The following MBTPS2 variants were observed in gnomAD, a reference collection of about 807,000 sequenced individuals.
MBTPS2 encodes the protein membrane-bound transcription factor site-2 protease.
MBTPS2 carries 2 observed loss-of-function variants against 35.4 expected under a neutral mutation model. That is an observed-to-expected ratio of 0.06 (90% CI 0.02 to 0.18). The LOEUF (loss-of-function observed/expected upper bound fraction) is 0.18, where lower values mean the gene tolerates loss of function less well. Ranked by LOEUF, MBTPS2 falls within the 10% of genes least tolerant of loss-of-function variation. The pLI is 1.00. For missense variants in MBTPS2, 244 were observed against 386.5 expected, an observed-to-expected ratio of 0.63 and a Z score of 3.09; for synonymous variants, 125 against 140.4, an observed-to-expected ratio of 0.89 and a Z score of 0.77.
chrX:21,856,344 TTCTCTGCAGCTCGCGCC>T, intron 5 of MBTPS2: 3 of 566,496 alleles, frequency 5.3e-6, no homozygotes, highest in South Asian at 2.9e-5. Context: ...GCTCGCGCCT[TTCTCTGCAGCTCGCGCC>T]TTTCTCTGCA....
At chrX:21,861,201 C>A (rs1019673615) in intron 5 of MBTPS2, among the ~76,000 whole-genome samples, 2 of 111,613 alleles carry the variant, frequency 1.8e-5, no homozygotes, top group Non-Finnish European at 3.8e-5. Flanking sequence ...ATGATAGCAT[C>A]CAGTGTCATT....
At chrX:21,843,406 T>C in intron 2 of MBTPS2, 88 bp downstream of exon 2, 1 of 954,425 alleles carries the variant, frequency 1.0e-6, no homozygotes. Flanking sequence ...TCCATTACTT[T>C]GCAGTTTTCT....
chrX:21,854,147 T>C (rs2092917807), intron 5 of MBTPS2, among the ~76,000 whole-genome samples: 1 of 112,138 alleles, frequency 8.9e-6, no homozygotes, highest in Non-Finnish European at 1.9e-5. Flanking sequence ...CTCAACTTCA[T>C]AGTGGAGAGG....
rs2092944598 is a variant in MBTPS2 at position 21,869,567 on chromosome X, G to A, written c.859G>A (p.Val287Ile). The A allele has an allele frequency of 1.6e-5, 19 of 1,209,644 alleles. No individual in the cohort carries two copies. Among genetic ancestry groups the A allele is most frequent in the Non-Finnish European group, 2.1e-5 (19 of 893,631 alleles). ...TGTCACCCATCTACAGGATTGTCCTGTTACTAATGTGCAAGATTGGAATGA... is the reference window on the plus strand; with the variant it reads ...TGTCACCCATCTACAGGATTGTCCTATTACTAATGTGCAAGATTGGAATGA... ...DLVTHLQDCPVTNVQDWNECL... is the reference protein window; with the variant it reads ...DLVTHLQDCPITNVQDWNECL... The change falls in exon 7 of 11, where the codon GTT (valine) becomes ATT (isoleucine). Residue 287 changes from valine (V) to isoleucine (I), a missense_variant. Physicochemically the swap from Val to Ile is conservative, Grantham distance 29 (BLOSUM62 3). Coordinates refer to ENST00000379484, the MANE Select transcript of MBTPS2 (RefSeq NM_015884.4).
chrX:21,861,743 A>G (rs558492572), intron 5 of MBTPS2, among the ~76,000 whole-genome samples: 6 of 111,154 alleles, frequency 5.4e-5, no homozygotes, highest in South Asian at 7.7e-4. Context: ...AAAATATAGT[A>G]TAATAATTTG....
At chrX:21,842,333 C>T (rs919511515) in intron 1 of MBTPS2, among the ~76,000 whole-genome samples, 29 of 111,701 alleles carry the variant, frequency 2.6e-4, no homozygotes, top group African/African-American at 8.1e-4. Flanking sequence ...AAGTTTTTTA[C>T]TTTTTACATG....
At chrX:21,853,900 G>A (rs2092917460) in intron 5 of MBTPS2, among the ~76,000 whole-genome samples, 1 of 111,306 alleles carries the variant, frequency 9.0e-6, no homozygotes, top group Non-Finnish European at 1.9e-5. Flanking sequence ...GATGAGTAGT[G>A]AACTCTAGCA....
At chrX:21,863,280 A>T (rs1230428586) in intron 5 of MBTPS2, among the ~76,000 whole-genome samples, 1 of 106,424 alleles carries the variant, frequency 9.4e-6, no homozygotes, top group Non-Finnish European at 1.9e-5. Flanking sequence ...AAAAAAAAAA[A>T]ATTAAATTTA....
Position 21,880,963 on chromosome X carries a change from C to T in MBTPS2, c.1328C>T (p.Thr443Ile). Residue 443 changes from threonine (T) to isoleucine (I), a missense_variant, in exon 10 of 11, where the codon ACA (threonine) becomes ATA (isoleucine). Transcript: ENST00000379484. ...ATAGATCTGCCAGTGGTTGTGGAGA[C>T]ATTTGTCAAGTATCCTTTCTGGTGT... is the stretch of plus-strand genomic sequence containing the variant. Reference protein sequence around the residue: ...LSIDLPVVVETFVKYLISLSG... With the variant: ...LSIDLPVVVEIFVKYLISLSG... 1 of 1,194,604 alleles carries T rather than the reference C, an allele frequency of 8.4e-7. No individual in the cohort carries two copies. Among genetic ancestry groups the T allele is most frequent in the East Asian group, 3.0e-5 (1 of 33,750 alleles).
intron 1 of MBTPS2, among the ~76,000 whole-genome samples, chrX:21,840,461 T>C (rs2092901479): frequency 9.0e-6 from 1 of 111,690 alleles, no homozygotes; most frequent in South Asian, 3.8e-4. Flanking sequence ...ATTTACACGC[T>C]GCACCCCACT....
At chrX:21,877,460 A>G (rs1459117329) in intron 7 of MBTPS2, among the ~76,000 whole-genome samples, 6 of 111,588 alleles carry the variant, frequency 5.4e-5, no homozygotes, top group Non-Finnish European at 3.8e-5. Context: ...AATGGAATGA[A>G]CAGTTGCCCC....
chrX:21,856,320 C>G, intron 5 of MBTPS2: 1 of 467,383 alleles, frequency 2.1e-6, no homozygotes, highest in South Asian at 3.3e-5. Flanking sequence ...CTGCAGCTCG[C>G]GCCTTTCTCT....
At chrX:21,871,180 C>T (rs2092946930) in intron 7 of MBTPS2, 1 of 122,719 alleles carries the variant, frequency 8.1e-6, no homozygotes, top group African/African-American at 3.2e-5. Flanking sequence ...TTCACTAATC[C>T]TTAGACCATG....
chrX:21,866,392 T>C (rs1262065352), intron 5 of MBTPS2, among the ~76,000 whole-genome samples: 1 of 111,147 alleles, frequency 9.0e-6, no homozygotes, highest in Non-Finnish European at 1.9e-5. Flanking sequence ...TAGCAAATAA[T>C]GGAAAATCCA....
intron 5 of MBTPS2, among the ~76,000 whole-genome samples, chrX:21,853,787 G>C (rs753365676): frequency 4.5e-5 from 5 of 111,522 alleles, no homozygotes; most frequent in Non-Finnish European, 9.4e-5. Flanking sequence ...TGTCAACTCA[G>C]CTGAAATAGA....
rs960726050 is a variant in MBTPS2 at position 21,884,853 on chromosome X, T to G, written c.*2198T>G. The G allele has an allele frequency of 4.3e-6, 3 of 699,026 alleles. No homozygotes were observed. In the African/African-American group the frequency reaches 7.1e-5, roughly 17 times the overall value. The allele number at this position is 699,026 out of a possible 1,213,427, so 57.6% of individuals were successfully genotyped here. A position where few individuals can be genotyped will look rare whatever the true frequency, so the allele number is the denominator to read the frequency against. On this transcript the variant is annotated 3_prime_UTR_variant, in exon 11 of 11. Coordinates refer to ENST00000379484, the MANE Select transcript of MBTPS2 (RefSeq NM_015884.4). ...GTAAAAAGTATTATTGAATATTTAC[T>G]GTAAATATATGTTCACATAAAAAAA...
At chrX:21,862,295 G>A (rs2092932370) in intron 5 of MBTPS2, among the ~76,000 whole-genome samples, 1 of 110,645 alleles carries the variant, frequency 9.0e-6, no homozygotes, top group African/African-American at 3.3e-5. Context: ...AAGGTAGGGA[G>A]CTCTGATGGT....
chrX:21,871,419 T>C (rs759940638), intron 7 of MBTPS2: 1 of 112,036 alleles, frequency 8.9e-6, no homozygotes, highest in East Asian at 2.8e-4. Context: ...TCGGCAGTTA[T>C]TAACATTTTG....
At chrX:21,868,757 G>A (rs1285594994) in intron 6 of MBTPS2, among the ~76,000 whole-genome samples, 172 bp downstream of exon 6, 5 of 112,431 alleles carry the variant, frequency 4.4e-5, no homozygotes, top group African/African-American at 1.6e-4. Context: ...AAACACATTG[G>A]TTTTTTTAAA....
Sources: gnomAD v4.1 joint callset for allele counts (sites outside exome capture counted in the v4.1 genomes callset) on GRCh38, gnomAD v4.1.1 for gene constraint, MANE v1.5 for transcripts, NCBI Gene and HGNC (gene_info 2026-07-23, HGNC 2026-07-21) for gene names.